Variants in EHMT1 observed in about 807,000 individuals in gnomAD.
EHMT1 encodes histone-lysine N-methyltransferase EHMT1.
A neutral mutation model predicts 147.2 loss-of-function variants in EHMT1; 15 were observed. That is an observed-to-expected ratio of 0.10 (90% CI 0.07 to 0.16). The LOEUF is 0.16. Ranked by LOEUF, EHMT1 falls within the 10% of genes least tolerant of loss-of-function variation. The pLI is 1.00. For missense variants in EHMT1, 1,587 were observed against 1,772.4 expected (o/e 0.90, Z 1.88); for synonymous variants, 795 against 709.6 (o/e 1.12, Z -1.91).
chr9:137,762,694 T>C lies in EHMT1; in HGVS notation c.1521T>C (p.Asp507=), dbSNP rs1008712072. 1 of 1,614,238 alleles carries C rather than the reference T, an allele frequency of 6.2e-7. No individual in the cohort carries two copies. The highest frequency in any genetic ancestry group is 8.5e-7 in the Non-Finnish European group (1 of 1,180,044). ...SQAEGLANGP[D]VLETDGLQEV... is the part of the protein sequence containing the mutation. ...CGTTAGGGTTGGCCAACGGTCCAGATGTGCTGGAGACAGACGGCCTCCAGG... is the reference window on the plus strand; with the variant it reads ...CGTTAGGGTTGGCCAACGGTCCAGACGTGCTGGAGACAGACGGCCTCCAGG... The change falls in exon 10 of 27, where the codon GAT becomes GAC. Residue 507 remains aspartate (D), a synonymous_variant. Transcript: ENST00000460843.
chr9:137,638,582 T>C (rs1455637054), intron 1 of EHMT1, among the ~76,000 whole-genome samples: 1 of 152,218 alleles, frequency 6.6e-6, no homozygotes, highest in East Asian at 1.9e-4. Context: ...TTAGCTATGT[T>C]ATAGAATAAA....
At chr9:137,709,015 C>G (rs969999755) in intron 1 of EHMT1, among the ~76,000 whole-genome samples, 1 of 152,324 alleles carries the variant, frequency 6.6e-6, no homozygotes, top group South Asian at 2.1e-4. Flanking sequence ...CACTCTCAGG[C>G]GAGCCCCCCA....
intron 1 of EHMT1, among the ~76,000 whole-genome samples, chr9:137,696,392 C>T (rs543050239): frequency 9.2e-5 from 14 of 152,296 alleles, no homozygotes; most frequent in African/African-American, 3.1e-4. Context: ...GAAGACAAGT[C>T]TCTCTTCCAG....
chr9:137,641,917 A>G (rs1469195594), intron 1 of EHMT1, among the ~76,000 whole-genome samples: 1 of 150,960 alleles, frequency 6.6e-6, no homozygotes, highest in Non-Finnish European at 1.5e-5. Flanking sequence ...CTCTGCCCCC[A>G]TGCCCTCCAA....
chr9:137,770,221 G>C (rs1950505425), intron 10 of EHMT1, among the ~76,000 whole-genome samples: 1 of 152,110 alleles, frequency 6.6e-6, no homozygotes, highest in Non-Finnish European at 1.5e-5. Flanking sequence ...TTGTCCCACA[G>C]CTCTTCAATG....
intron 1 of EHMT1, among the ~76,000 whole-genome samples, chr9:137,632,278 A>G (rs927193678): frequency 6.6e-6 from 1 of 152,184 alleles, no homozygotes; most frequent in Non-Finnish European, 1.5e-5. Context: ...AGGATGGTGC[A>G]GTAGAATGGT....
intron 1 of EHMT1, among the ~76,000 whole-genome samples, chr9:137,626,621 A>G (rs1005061688): frequency 6.7e-5 from 10 of 149,432 alleles, no homozygotes; most frequent in African/African-American, 2.5e-4. Flanking sequence ...TCTTTCTTCT[A>G]TGATGTAACC....
At position 137,716,863 on chromosome 9, in the gene EHMT1, A is replaced by T; in HGVS notation, c.323A>T (p.His108Leu). The T allele has an allele frequency of 3.1e-6, 5 of 1,613,318 alleles. No homozygotes were observed. Among genetic ancestry groups the T allele is most frequent in the Non-Finnish European group, 4.2e-6 (5 of 1,179,902 alleles). ...GACTCAGAAGCGGCGAAGCAAAACC[A>T]CGTCACTGCCGACGACTTTGTGCAG... is the stretch of plus-strand genomic sequence containing the variant. ...ERDSEAAKQN[H>L]VTADDFVQTS... Residue 108 changes from histidine to leucine, a missense_variant, in exon 3 of 27, where the codon CAC (histidine) becomes CTC (leucine). By Grantham distance (99) the His-to-Leu change is moderately conservative. Coordinates refer to ENST00000460843, the MANE Select transcript of EHMT1 (RefSeq NM_024757.5).
At position 137,716,622 on chromosome 9, in the gene EHMT1, G is replaced by A; in HGVS notation, c.86-4G>A. 6.5e-7 allele frequency: 1 copy of A among 1,549,684 alleles called. No homozygotes were observed. Among genetic ancestry groups the A allele is most frequent in the Non-Finnish European group, 8.7e-7 (1 of 1,146,874 alleles). On this transcript the variant is annotated splice_polypyrimidine_tract_variant and splice_region_variant and intron_variant, in intron 2 of 26. Coordinates refer to ENST00000460843, the MANE Select transcript of EHMT1 (RefSeq NM_024757.5). ...GTCAGTGACACTCGTTTCTTTGTTGGCAGAGACACCTATGGCTGCCGATGA... is the reference window on the plus strand; with the variant it reads ...GTCAGTGACACTCGTTTCTTTGTTGACAGAGACACCTATGGCTGCCGATGA...
At position 137,818,157 on chromosome 9, in the gene EHMT1, T is replaced by C. The variant is rs1170939983; in HGVS notation, c.3540+19T>C. On this transcript the variant is annotated intron_variant, in intron 25 of 26. Coordinates refer to ENST00000460843, the MANE Select transcript of EHMT1 (RefSeq NM_024757.5). Reference sequence around the variant, plus strand: ...CAATAAGGTAATGTGTTTTGTGGGGTTGGGGCCACGCAGAACTTGTGAACT... The same window carrying C: ...CAATAAGGTAATGTGTTTTGTGGGGCTGGGGCCACGCAGAACTTGTGAACT... 3 of 1,613,568 alleles carry C rather than the reference T, an allele frequency of 1.9e-6. No individual in the cohort carries two copies. The highest frequency in any genetic ancestry group is 2.5e-6 in the Non-Finnish European group (3 of 1,179,586).
intron 15 of EHMT1, chr9:137,784,101 C>T (rs1018112921): frequency 2.3e-6 from 3 of 1,312,314 alleles, no homozygotes; most frequent in Middle Eastern, 1.8e-4. Context: ...ATTTATTTCT[C>T]ACAGTTCTGC....
chr9:137,710,427 C>T (rs368807319), intron 1 of EHMT1, among the ~76,000 whole-genome samples: 43 of 152,316 alleles, frequency 2.8e-4, no homozygotes, highest in East Asian at 7.7e-4. Flanking sequence ...GAGCCGAGAT[C>T]GCGCCACTGT....
chr9:137,628,620 C>T (rs1037002574), intron 1 of EHMT1, among the ~76,000 whole-genome samples: 4 of 152,138 alleles, frequency 2.6e-5, no homozygotes, highest in African/African-American at 4.8e-5. Context: ...CAGATTCTTC[C>T]GTAAACTAGA....
chr9:137,706,077 G>A (rs1564612718), intron 1 of EHMT1, among the ~76,000 whole-genome samples: 1 of 151,866 alleles, frequency 6.6e-6, no homozygotes, highest in Non-Finnish European at 1.5e-5. Context: ...CAGCAGGGGT[G>A]GGGCATCAGG....
rs1950902061 is a variant in EHMT1, at chr9:137,775,661, G to A, written c.1791+409G>A. Among the ~76,000 whole-genome samples, 1 of 151,896 alleles carries A rather than the reference G, an allele frequency of 6.6e-6. No individual in the cohort carries two copies. Among genetic ancestry groups the A allele is most frequent in the Admixed American group, 6.5e-5 (1 of 15,282 alleles). On this transcript the variant is annotated intron_variant, in intron 11 of 26. Transcript: ENST00000460843. This position sits in a 1 kb window ranked among gnomAD's most constrained non-coding sequence, Gnocchi z 6.1. ...GAGGACGTTCATCCCCCATGACAAG[G>A]GTGTACTGAGGACATTCACCCCCCA...
Position 137,632,229 on chromosome 9 carries a change from T to C in EHMT1, c.21+13180T>C, listed in dbSNP as rs565620895. 4.6e-5 allele frequency among the ~76,000 whole-genome samples: 7 copies of C among 152,312 alleles called. No individual in the cohort carries two copies. In the East Asian group the frequency reaches 1.3e-3, roughly 29 times the overall value. ...GTCGAGGGGTTCGATGACTTTACCATGTAGCTGGTATATGTTAGAGCTGGC... is the reference window on the plus strand; with the variant it reads ...GTCGAGGGGTTCGATGACTTTACCACGTAGCTGGTATATGTTAGAGCTGGC... On this transcript the variant is annotated intron_variant, in intron 1 of 26. Coordinates refer to ENST00000460843, the MANE Select transcript of EHMT1 (RefSeq NM_024757.5).
chr9:137,820,934 G>A (rs1564824505), intron 25 of EHMT1, among the ~76,000 whole-genome samples: 5 of 152,216 alleles, frequency 3.3e-5, no homozygotes, highest in African/African-American at 4.8e-5. Flanking sequence ...CTGGAGTGCC[G>A]TGGCGCGATC....
chr9:137,630,603 T>G (rs1389320075), intron 1 of EHMT1, among the ~76,000 whole-genome samples: 1 of 152,182 alleles, frequency 6.6e-6, no homozygotes, highest in Non-Finnish European at 1.5e-5. Flanking sequence ...TTCCTGATCC[T>G]CGTGAGTGTA....
chr9:137,743,352 CTT>C lies in EHMT1; in HGVS notation c.824-4_824-3del, dbSNP rs34385417. ...CTTTTCCTTTCTTGTCCCCTTTTGA[CTT>C]TTTTTTTTTTTTTTAGCTTGCTTGC... On this transcript the variant is annotated splice_polypyrimidine_tract_variant and intron_variant, in intron 4 of 26. Transcript: ENST00000460843. 0.013 allele frequency: 17,855 copies of C among 1,412,960 alleles called. No homozygotes were observed. Among genetic ancestry groups the C allele is most frequent in the Admixed American group, 0.021 (947 of 44,736 alleles). 87.5% of individuals were successfully genotyped at this position (1,412,960 alleles called of 1,614,324 possible). A position where few individuals can be genotyped will look rare whatever the true frequency, so the allele number is the denominator to read the frequency against.
Sources: allele counts gnomAD v4.1 joint callset (sites outside exome capture counted in the v4.1 genomes callset), GRCh38; gene constraint gnomAD v4.1.1; non-coding constraint Gnocchi (gnomAD v3.1); transcripts MANE v1.5; gene names NCBI Gene and HGNC (gene_info 2026-07-23, HGNC 2026-07-21).